Variants in SLC9A9 observed in about 807,000 individuals in gnomAD.
SLC9A9 encodes the protein sodium/hydrogen exchanger 9.
In SLC9A9, 62 loss-of-function variants were observed where a neutral mutation model predicts 77.8. That is an observed-to-expected ratio of 0.80 (90% CI 0.65 to 0.98). The LOEUF (loss-of-function observed/expected upper bound fraction) is 0.98, where lower values mean the gene tolerates loss of function less well. Ranked by LOEUF, SLC9A9 falls within the 50% of genes least tolerant of loss-of-function variation. The pLI is 0.00. For missense variants in SLC9A9, 775 were observed against 774.9 expected (o/e 1.00, Z 0.00); for synonymous variants, 320 against 283.5 (o/e 1.13, Z -1.29).
In SLC9A9 at chr3:143,438,175, C is replaced by T. The variant is rs562630545; in HGVS notation, c.1469+28862G>A. Among the ~76,000 whole-genome samples the T allele has an allele frequency of 6.4e-4, 97 of 152,306 alleles. 2 individuals are homozygous for T. The Middle Eastern group carries it at 0.027, about 43-fold the overall frequency. On this transcript the variant is annotated intron_variant, in intron 12 of 15. Coordinates refer to ENST00000316549, the MANE Select transcript of SLC9A9 (RefSeq NM_173653.4). ...ACAAAATGTGCTTATACAGGCAAAA[C>T]AATTAACCAGGTCCATAACAGTTTA...
intron 4 of SLC9A9, among the ~76,000 whole-genome samples, chr3:143,726,006 T>G (rs984883872): frequency 9.9e-5 from 15 of 152,122 alleles, no homozygotes; most frequent in Non-Finnish European, 1.6e-4. Context: ...CCTTATGTAT[T>G]CACCTATTGT....
intron 12 of SLC9A9, among the ~76,000 whole-genome samples, chr3:143,417,827 C>T (rs7374585): frequency 0.094 from 14,235 of 151,910 alleles, 766 homozygotes; most frequent in East Asian, 0.16. Context: ...TCAATAACTC[C>T]CCCCATATGG....
At chr3:143,574,808 T>C (rs913016513) in intron 7 of SLC9A9, among the ~76,000 whole-genome samples, 7 of 152,178 alleles carry the variant, frequency 4.6e-5, no homozygotes, top group Non-Finnish European at 1.0e-4. Flanking sequence ...ACTTGGTCAA[T>C]GGTCTATAAA....
chr3:143,395,375 T>G (rs2033700004), intron 12 of SLC9A9, among the ~76,000 whole-genome samples: 1 of 152,188 alleles, frequency 6.6e-6, no homozygotes, highest in East Asian at 1.9e-4. Flanking sequence ...TAAATGGTGC[T>G]GGGAAAACTG....
At chr3:143,359,568 A>C (rs2032685285) in intron 14 of SLC9A9, among the ~76,000 whole-genome samples, 1 of 152,108 alleles carries the variant, frequency 6.6e-6, no homozygotes, top group South Asian at 2.1e-4. Flanking sequence ...GTGCCTGAGG[A>C]AGGACAGGGT....
intron 12 of SLC9A9, among the ~76,000 whole-genome samples, chr3:143,407,839 G>A (rs776247628): frequency 7.9e-5 from 12 of 152,204 alleles, no homozygotes; most frequent in Non-Finnish European, 1.6e-4. Flanking sequence ...ATCTTGTTAG[G>A]ATAAAGACTT....
intron 9 of SLC9A9, among the ~76,000 whole-genome samples, chr3:143,551,878 T>C (rs995655656): frequency 6.6e-6 from 1 of 152,222 alleles, no homozygotes; most frequent in Non-Finnish European, 1.5e-5. Flanking sequence ...TGTGTGTTTA[T>C]GTGGAAATAT....
intron 5 of SLC9A9, among the ~76,000 whole-genome samples, chr3:143,673,528 T>C (rs530761202): frequency 6.6e-6 from 1 of 151,200 alleles, no homozygotes; most frequent in Admixed American, 6.6e-5. Flanking sequence ...TACAAATCTG[T>C]ATTTGGCTTT....
chr3:143,421,390 C>A (rs112703765), intron 12 of SLC9A9, among the ~76,000 whole-genome samples: 1 of 152,082 alleles, frequency 6.6e-6, no homozygotes, highest in Non-Finnish European at 1.5e-5. Flanking sequence ...AGCAAAACAG[C>A]GTTGTACTGG....
At chr3:143,644,476 A>C in intron 6 of SLC9A9, among the ~76,000 whole-genome samples, 1 of 152,232 alleles carries the variant, frequency 6.6e-6, no homozygotes, top group Admixed American at 6.5e-5. Flanking sequence ...CAGTAATCTG[A>C]ACAGGGACAT....
At chr3:143,610,691 G>A (rs1345183839) in intron 6 of SLC9A9, among the ~76,000 whole-genome samples, 1 of 152,150 alleles carries the variant, frequency 6.6e-6, no homozygotes, top group Non-Finnish European at 1.5e-5. Context: ...AACGAACTGT[G>A]AGAACCCCAG....
intron 6 of SLC9A9, among the ~76,000 whole-genome samples, chr3:143,642,931 T>G (rs770499566): frequency 6.6e-6 from 1 of 152,170 alleles, no homozygotes; most frequent in Non-Finnish European, 1.5e-5. Context: ...GTTTACCTCT[T>G]TAGTCTCTTT....
chr3:143,483,806 A>G (rs1236405697), intron 11 of SLC9A9, among the ~76,000 whole-genome samples: 1 of 152,158 alleles, frequency 6.6e-6, no homozygotes, highest in African/African-American at 2.4e-5. Flanking sequence ...GTCACTGACC[A>G]AGACAGAAAT....
chr3:143,578,427 G>T (rs1373608822), intron 7 of SLC9A9, among the ~76,000 whole-genome samples, 158 bp downstream of exon 7: 1 of 152,132 alleles, frequency 6.6e-6, no homozygotes, highest in Non-Finnish European at 1.5e-5. Flanking sequence ...TGCCTCCAGG[G>T]GTGACTGAGA....
At position 143,782,098 on chromosome 3, in the gene SLC9A9, A is replaced by G. The variant is rs1364648362; in HGVS notation, c.533+12903T>C. On this transcript the variant is annotated intron_variant, in intron 4 of 15. Coordinates refer to ENST00000316549, the MANE Select transcript of SLC9A9 (RefSeq NM_173653.4). ...TTATCTTCTTTATGATTCACATACA[A>G]CATTTGACCCAGATATGTGCACAGA... Among the ~76,000 whole-genome samples the G allele has an allele frequency of 2.0e-5, 3 of 152,216 alleles. No individual in the cohort carries two copies. In the East Asian group the frequency reaches 5.8e-4, roughly 29 times the overall value.
chr3:143,535,685 T>C (rs1220864810), intron 9 of SLC9A9, among the ~76,000 whole-genome samples: 1 of 152,174 alleles, frequency 6.6e-6, no homozygotes, highest in East Asian at 1.9e-4. Flanking sequence ...TGAATGCTCT[T>C]GAGAATGTTA....
At chr3:143,697,821 C>T (rs545674041) in intron 4 of SLC9A9, among the ~76,000 whole-genome samples, 1 of 151,928 alleles carries the variant, frequency 6.6e-6, no homozygotes, top group African/African-American at 2.4e-5. Context: ...TGAGATAATA[C>T]AAAAAATAAA....
At chr3:143,619,039 A>G (rs1430428428) in intron 6 of SLC9A9, among the ~76,000 whole-genome samples, 1 of 152,162 alleles carries the variant, frequency 6.6e-6, no homozygotes, top group Non-Finnish European at 1.5e-5. Context: ...GAAGAGAAAG[A>G]ATTGTTCTTT....
intron 4 of SLC9A9, among the ~76,000 whole-genome samples, chr3:143,703,229 G>A (rs1156560268): frequency 6.6e-6 from 1 of 151,952 alleles, no homozygotes; most frequent in Non-Finnish European, 1.5e-5. Context: ...GCACCTAATA[G>A]ATATAGAACA....
Sources: gnomAD v4.1 joint callset for allele counts (sites outside exome capture counted in the v4.1 genomes callset) on GRCh38, gnomAD v4.1.1 for gene constraint, MANE v1.5 for transcripts, NCBI Gene and HGNC (gene_info 2026-07-23, HGNC 2026-07-21) for gene names.